The following TBCK variants were observed in gnomAD, a reference collection of about 807,000 sequenced individuals.
TBCK encodes TBC1 domain containing kinase.
A neutral mutation model predicts 113.4 loss-of-function variants in TBCK; 99 were observed. That is an observed-to-expected ratio of 0.87 (90% CI 0.74 to 1.03). The LOEUF (loss-of-function observed/expected upper bound fraction) is 1.03, where lower values mean the gene tolerates loss of function less well. Ranked by LOEUF, TBCK falls within the 50% of genes least tolerant of loss-of-function variation. The pLI is 0.00. For missense variants in TBCK, 1,045 were observed against 1,061.3 expected (o/e 0.98, Z 0.21); for synonymous variants, 369 against 370.8 (o/e 1.00, Z 0.05).
At chr4:106,071,222 C>T (rs1246509112) in intron 25 of TBCK, among the ~76,000 whole-genome samples, 1 of 152,192 alleles carries the variant, frequency 6.6e-6, no homozygotes, top group African/African-American at 2.4e-5. Flanking sequence ...CCTGCTTTCT[C>T]TTGTGGGCAT....
At chr4:106,123,151 T>C (rs891367360) in intron 23 of TBCK, among the ~76,000 whole-genome samples, 4 of 152,222 alleles carry the variant, frequency 2.6e-5, no homozygotes, top group Non-Finnish European at 5.9e-5. Flanking sequence ...CAAAATCTCC[T>C]TCAGCTGATA....
In TBCK at chr4:106,044,294, A is replaced by G. The variant is rs1328205322; in HGVS notation, c.*2276T>C. On this transcript the variant is annotated 3_prime_UTR_variant, in exon 26 of 26. Coordinates refer to ENST00000394708, the MANE Select transcript of TBCK (RefSeq NM_001163435.3). ...ATTATGAACTCAGGTAAGTCATCAA[A>G]GACTGAAGGAAGAAAATAGTAATTG... is the stretch of plus-strand genomic sequence containing the variant. 2 of 152,218 alleles carry G rather than the reference A, an allele frequency of 1.3e-5. No individual in the cohort carries two copies. Among genetic ancestry groups the G allele is most frequent in the Non-Finnish European group, 2.9e-5 (2 of 68,034 alleles). 9.4% of individuals were successfully genotyped at this position (152,218 alleles called of 1,614,324 possible).
chr4:106,186,507 T>C (rs182869273), intron 22 of TBCK, among the ~76,000 whole-genome samples: 1 of 152,230 alleles, frequency 6.6e-6, no homozygotes, highest in African/African-American at 2.4e-5. Context: ...TTTTTTCATA[T>C]GCTTGTTGGC....
At chr4:106,070,198 A>T (rs1737220813) in intron 25 of TBCK, among the ~76,000 whole-genome samples, 1 of 152,126 alleles carries the variant, frequency 6.6e-6, no homozygotes, top group Non-Finnish European at 1.5e-5. Context: ...GTGGTGAGAG[A>T]GGGCATCCCT....
Position 106,043,731 on chromosome 4 carries a change from ATGTG to A in TBCK, c.*2835_*2838del, listed in dbSNP as rs1215490390. 2.9e-5 allele frequency: 4 copies of A among 138,672 alleles called. No individual in the cohort carries two copies. The highest frequency in any genetic ancestry group is 1.1e-4 in the African/African-American group (4 of 37,534). The allele number at this position is 138,672 out of a possible 1,614,324, so 8.6% of individuals were successfully genotyped here. A position where few individuals can be genotyped will look rare whatever the true frequency, so the allele number is the denominator to read the frequency against. The stretch of plus-strand genomic sequence containing the variant: ...CAAGAGTTAATAAGTGTGTTTATGA[ATGTG>A]AGTGTGTGTGTGTGTGTGTGTGTAT... On this transcript the variant is annotated 3_prime_UTR_variant, in exon 26 of 26. Coordinates refer to ENST00000394708, the MANE Select transcript of TBCK (RefSeq NM_001163435.3).
chr4:106,064,563 A>G (rs1352470789), intron 25 of TBCK, among the ~76,000 whole-genome samples: 4 of 151,928 alleles, frequency 2.6e-5, no homozygotes, highest in Admixed American at 2.0e-4. Flanking sequence ...AAAAGATAAG[A>G]CAAAGTGAGA....
chr4:106,290,741 C>T (rs1765626217), intron 3 of TBCK, among the ~76,000 whole-genome samples: 1 of 152,176 alleles, frequency 6.6e-6, no homozygotes, highest in Non-Finnish European at 1.5e-5. Context: ...GGCAAGCCAG[C>T]AAAGCTCCAT....
At chr4:106,230,221 T>C in intron 19 of TBCK, 142 bp downstream of exon 19, 1 of 418,800 alleles carries the variant, frequency 2.4e-6, no homozygotes, top group South Asian at 7.5e-5. Context: ...GACTGAACTT[T>C]CTAATTTCTC....
chr4:106,048,063 A>G (rs1163222995), intron 25 of TBCK, among the ~76,000 whole-genome samples: 5 of 152,126 alleles, frequency 3.3e-5, no homozygotes, highest in African/African-American at 1.2e-4. Context: ...TTTGGCCAGG[A>G]CAAGTTCAAG....
chr4:106,049,495 T>C (rs1734573975), intron 25 of TBCK, among the ~76,000 whole-genome samples: 1 of 152,052 alleles, frequency 6.6e-6, no homozygotes, highest in African/African-American at 2.4e-5. Context: ...TGGCTATAGC[T>C]TGACAGGTTA....
At chr4:106,176,527 G>A (rs566256535) in intron 22 of TBCK, among the ~76,000 whole-genome samples, 93 of 152,054 alleles carry the variant, frequency 6.1e-4, no homozygotes, top group African/African-American at 1.8e-3. Context: ...GCCTTTTATC[G>A]CTGAATGGTA....
chr4:106,145,704 T>C (rs1230849157), intron 23 of TBCK, among the ~76,000 whole-genome samples: 4 of 152,124 alleles, frequency 2.6e-5, no homozygotes, highest in African/African-American at 9.7e-5. Flanking sequence ...TGGGGTTGTT[T>C]TTCTCTTGTA....
chr4:106,209,957 T>C (rs549140077), intron 20 of TBCK, among the ~76,000 whole-genome samples: 1 of 152,204 alleles, frequency 6.6e-6, no homozygotes, highest in Non-Finnish European at 1.5e-5. Flanking sequence ...CTTTGTTCTA[T>C]CCTGCACCCC....
intron 14 of TBCK, 28 bp from the exon 15 acceptor site, chr4:106,235,395 G>C (rs373734501): frequency 6.8e-7 from 1 of 1,480,256 alleles, no homozygotes; most frequent in Admixed American, 1.9e-5. Flanking sequence ...AAATGAAAAC[G>C]TCTCAAATTA....
At chr4:106,316,233 T>C (rs1393460865), upstream of TBCK, 3 of 278,536 alleles carry the variant, frequency 1.1e-5, no homozygotes, top group East Asian at 7.0e-5. Context: ...CCTGGCCTTT[T>C]CTTCCGCCCT....
chr4:106,047,323 G>T (rs111605775), intron 25 of TBCK, among the ~76,000 whole-genome samples: 3,352 of 152,216 alleles, frequency 0.022, 115 homozygotes, highest in African/African-American at 0.075. Context: ...CAGGATCATC[G>T]ATTGCCTTTC....
chr4:106,205,377 T>C (rs904836273), intron 20 of TBCK, among the ~76,000 whole-genome samples: 13 of 150,726 alleles, frequency 8.6e-5, no homozygotes, highest in African/African-American at 3.2e-4. Context: ...CAAGATAGAG[T>C]GATGGATTTT....
chr4:106,061,428 T>C (rs997180855), intron 25 of TBCK, among the ~76,000 whole-genome samples: 1 of 126,860 alleles, frequency 7.9e-6, no homozygotes, highest in African/African-American at 3.0e-5. Context: ...CTTGGGTGAC[T>C]GTTAGCATAC....
intron 2 of TBCK, among the ~76,000 whole-genome samples, chr4:106,308,164 G>C (rs1162793129): frequency 1.3e-5 from 2 of 152,140 alleles, no homozygotes; most frequent in Non-Finnish European, 2.9e-5. Flanking sequence ...TCTCAGATCT[G>C]AGAAACATTA....
Sources: gnomAD v4.1 joint callset for allele counts (sites outside exome capture counted in the v4.1 genomes callset) on GRCh38, gnomAD v4.1.1 for gene constraint, MANE v1.5 for transcripts, NCBI Gene and HGNC (gene_info 2026-07-23, HGNC 2026-07-21) for gene names.